The following KDM4C variants were observed in gnomAD, a reference collection of about 807,000 sequenced individuals.
KDM4C encodes the protein lysine demethylase 4C, also known as lysine-specific demethylase 4C.
KDM4C carries 81 observed loss-of-function variants against 129.3 expected under a neutral mutation model. The ratio of observed to expected loss-of-function variants is 0.63; its 90% confidence interval spans 0.52 to 0.75. KDM4C has a LOEUF of 0.75. Among genes scored for constraint, KDM4C ranks in the 30% least tolerant of loss-of-function variants. The probability of loss-of-function intolerance (pLI) is 0.00; values close to 1 mark genes in which losing one functional copy is unlikely to be tolerated. For missense variants in KDM4C, 1,457 were observed against 1,304.0 expected (o/e 1.12, Z -1.81); for synonymous variants, 573 against 456.1 (o/e 1.26, Z -3.26).
intron 15 of KDM4C, among the ~76,000 whole-genome samples, chr9:7,029,271 T>C (rs990159738): frequency 2.7e-5 from 4 of 145,984 alleles, no homozygotes; most frequent in African/African-American, 1.0e-4. Flanking sequence ...TGGAGAGCTT[T>C]CTTTCTGGGT....
At chr9:6,721,617 C>T (rs1255202503) in intron 1 of KDM4C, among the ~76,000 whole-genome samples, 1 of 132,368 alleles carries the variant, frequency 7.6e-6, no homozygotes, top group African/African-American at 2.8e-5. Context: ...GAGACGGAGT[C>T]TCGCTCTTTT....
At chr9:6,828,355 G>T (rs943563390) in intron 4 of KDM4C, among the ~76,000 whole-genome samples, 1 of 151,974 alleles carries the variant, frequency 6.6e-6, no homozygotes, top group Non-Finnish European at 1.5e-5. Flanking sequence ...CACCATGTCA[G>T]ACAGGCTGGT....
At chr9:7,048,991 G>C (rs1218705821) in intron 16 of KDM4C, 101 bp from the exon 17 acceptor site, 1 of 702,450 alleles carries the variant, frequency 1.4e-6, no homozygotes, top group Non-Finnish European at 2.5e-6. Context: ...TGGCTTTCTT[G>C]CTCATCTGTG....
intron 4 of KDM4C, among the ~76,000 whole-genome samples, chr9:6,824,638 CAA>C (rs144032826): frequency 8.7e-5 from 11 of 127,100 alleles, no homozygotes; most frequent in East Asian, 4.3e-4. Flanking sequence ...GACTCCGTCT[CAA>C]AAAAAAAAAA....
chr9:7,128,530 A>C (rs1454008957), intron 19 of KDM4C, among the ~76,000 whole-genome samples: 1 of 152,178 alleles, frequency 6.6e-6, no homozygotes, highest in East Asian at 1.9e-4. Flanking sequence ...TTTGGATGGG[A>C]CCTATTCAAA....
chr9:6,960,081 G>C (rs1198054150), intron 8 of KDM4C, among the ~76,000 whole-genome samples: 1 of 151,814 alleles, frequency 6.6e-6, no homozygotes, highest in Non-Finnish European at 1.5e-5. Context: ...GTCCCTGAGA[G>C]ATTCCTTAGG....
At chr9:7,052,098 T>C (rs1318924720) in intron 17 of KDM4C, among the ~76,000 whole-genome samples, 2 of 152,232 alleles carry the variant, frequency 1.3e-5, no homozygotes, top group African/African-American at 2.4e-5. Flanking sequence ...AGAACTGAAT[T>C]CAAGACTGAC....
chr9:7,031,470 A>T (rs1298408464), intron 15 of KDM4C, among the ~76,000 whole-genome samples: 3 of 152,146 alleles, frequency 2.0e-5, no homozygotes, highest in Non-Finnish European at 4.4e-5. Flanking sequence ...CAGTTTTTTT[A>T]AAAATTGTAG....
At chr9:7,153,575 G>C (rs1219735477) in intron 19 of KDM4C, among the ~76,000 whole-genome samples, 34 of 152,142 alleles carry the variant, frequency 2.2e-4, no homozygotes, top group Non-Finnish European at 4.1e-4. Context: ...TTGCAGCTGG[G>C]CCTTTGCATG....
chr9:6,933,244 C>G (rs1824093512), intron 8 of KDM4C, among the ~76,000 whole-genome samples: 1 of 152,210 alleles, frequency 6.6e-6, no homozygotes, highest in Non-Finnish European at 1.5e-5. Flanking sequence ...TTAGTAGAAT[C>G]TGACAGGTAA....
intron 12 of KDM4C, among the ~76,000 whole-genome samples, chr9:7,007,203 G>A (rs1821833609): frequency 6.6e-6 from 1 of 152,198 alleles, no homozygotes; most frequent in South Asian, 2.1e-4. Context: ...CTGGGCTTCT[G>A]TAAATTTAGA....
At chr9:6,753,499 C>T (rs1287562515), upstream of KDM4C, among the ~76,000 whole-genome samples, 3 of 152,098 alleles carry the variant, frequency 2.0e-5, no homozygotes, top group Non-Finnish European at 4.4e-5. Context: ...GTGTTGAACT[C>T]CTGGGTTCAA....
intron 17 of KDM4C, among the ~76,000 whole-genome samples, chr9:7,080,445 T>G (rs1268214491): frequency 1.3e-5 from 2 of 152,208 alleles, no homozygotes; most frequent in Non-Finnish European, 2.9e-5. Context: ...GGCCATTGTA[T>G]AGTTGGGACT....
chr9:6,772,677 AT>A (rs975416360), intron 1 of KDM4C, among the ~76,000 whole-genome samples: 3 of 106,372 alleles, frequency 2.8e-5, no homozygotes, highest in Non-Finnish European at 4.0e-5. Flanking sequence ...ATTTTCTTTG[AT>A]TTTTTTTCTT....
chr9:6,804,376 A>C (rs1829576693), intron 2 of KDM4C, among the ~76,000 whole-genome samples: 1 of 152,214 alleles, frequency 6.6e-6, no homozygotes, highest in African/African-American at 2.4e-5. Context: ...CTACAAATCA[A>C]GGTTTCCTCC....
chr9:6,904,832 A>T (rs1818019122), intron 8 of KDM4C, among the ~76,000 whole-genome samples: 1 of 152,226 alleles, frequency 6.6e-6, no homozygotes, highest in Admixed American at 6.5e-5. Flanking sequence ...AGGAAAAAGT[A>T]ACTAAACGGC....
At chr9:6,907,488 G>A (rs1172817952) in intron 8 of KDM4C, among the ~76,000 whole-genome samples, 1 of 152,114 alleles carries the variant, frequency 6.6e-6, no homozygotes, top group Non-Finnish European at 1.5e-5. Flanking sequence ...ATGTCTAAAT[G>A]CATCTTATAG....
chr9:7,077,343 C>A, intron 17 of KDM4C: 1 of 460,400 alleles, frequency 2.2e-6, no homozygotes, highest in Non-Finnish European at 2.9e-6. Flanking sequence ...CCCCTCCCCT[C>A]AACTACGGCT....
At chr9:7,072,880 G>GTA in intron 17 of KDM4C, among the ~76,000 whole-genome samples, 1 of 152,228 alleles carries the variant, frequency 6.6e-6, no homozygotes, top group East Asian at 1.9e-4. Context: ...TTTGATACAT[G>GTA]TATACATTGT....
Sources: gnomAD v4.1 joint callset for allele counts (sites outside exome capture counted in the v4.1 genomes callset) on GRCh38, gnomAD v4.1.1 for gene constraint, MANE v1.5 for transcripts, NCBI Gene and HGNC (gene_info 2026-07-23, HGNC 2026-07-21) for gene names.